SCAPER: variants seen among roughly 807,000 people sequenced by gnomAD.
SCAPER encodes the protein S phase cyclin A-associated protein in the endoplasmic reticulum.
In SCAPER, 98 loss-of-function variants were observed where a neutral mutation model predicts 182.2. That is an observed-to-expected ratio of 0.54 (90% CI 0.46 to 0.64). The LOEUF is 0.64. Among genes scored for constraint, SCAPER ranks in the 30% least tolerant of loss-of-function variants. The probability of loss-of-function intolerance (pLI) is 0.00; values close to 1 mark genes in which losing one functional copy is unlikely to be tolerated. For missense variants in SCAPER, 1,432 were observed against 1,690.0 expected (o/e 0.85, Z 2.68); for synonymous variants, 605 against 564.6 (o/e 1.07, Z -1.01).
intron 26 of SCAPER, 58 bp downstream of exon 26, chr15:76,434,020 T>C: frequency 7.1e-7 from 1 of 1,414,690 alleles, no homozygotes; most frequent in South Asian, 1.3e-5. Context: ...GAGATTTAAA[T>C]TATTTTAATA....
At chr15:76,425,819 T>C (rs1406070993) in intron 26 of SCAPER, among the ~76,000 whole-genome samples, 1 of 152,226 alleles carries the variant, frequency 6.6e-6, no homozygotes, top group Non-Finnish European at 1.5e-5. Context: ...TGTTTGTTAG[T>C]TTTCCTTCTA....
intron 24 of SCAPER, among the ~76,000 whole-genome samples, chr15:76,499,913 G>A (rs1428256653): frequency 6.6e-6 from 1 of 152,148 alleles, no homozygotes; most frequent in Non-Finnish European, 1.5e-5. Flanking sequence ...AAGTGACAAA[G>A]ACTTAGGGAT....
In SCAPER at chr15:76,765,646, G is replaced by A. The variant is rs764067633; in HGVS notation, c.1420-8C>T. ...CCCACTGCCCATGCTGGCCTAAAAT[G>A]TAATAAGGGAAGTTGAAAATCAAAT... On this transcript the variant is annotated splice_region_variant and splice_polypyrimidine_tract_variant and intron_variant, in intron 11 of 31. Coordinates refer to ENST00000563290, the MANE Select transcript of SCAPER (RefSeq NM_020843.4). 3.4e-5 allele frequency: 54 copies of A among 1,565,304 alleles called. No individual in the cohort carries two copies. The Admixed American group carries it at 7.6e-4, about 22-fold the overall frequency.
chr15:76,429,729 A>G (rs902411829), intron 26 of SCAPER, among the ~76,000 whole-genome samples: 2 of 152,188 alleles, frequency 1.3e-5, no homozygotes, highest in Non-Finnish European at 2.9e-5. Flanking sequence ...AAACAGCATA[A>G]AAGTTTGGAA....
chr15:76,657,273 C>A (rs571724629), intron 21 of SCAPER, among the ~76,000 whole-genome samples: 3 of 152,084 alleles, frequency 2.0e-5, no homozygotes, highest in Non-Finnish European at 4.4e-5. Flanking sequence ...ACAAACACCT[C>A]TATGCATACA....
chr15:76,792,385 T>G (rs1409955439), intron 8 of SCAPER, among the ~76,000 whole-genome samples: 1 of 152,104 alleles, frequency 6.6e-6, no homozygotes, highest in Non-Finnish European at 1.5e-5. Flanking sequence ...CAATCTAAAG[T>G]TAGATTGTGG....
chr15:76,639,954 G>C (rs981849794), intron 21 of SCAPER, among the ~76,000 whole-genome samples: 3 of 152,194 alleles, frequency 2.0e-5, no homozygotes, highest in African/African-American at 7.2e-5. Flanking sequence ...GTCAGAGCCA[G>C]AGAAGGTATT....
At chr15:76,893,658 CAT>C (rs1308306686) in intron 1 of SCAPER, among the ~76,000 whole-genome samples, 6 of 152,148 alleles carry the variant, frequency 3.9e-5, no homozygotes, top group Admixed American at 2.6e-4. Flanking sequence ...TAGGATAGAT[CAT>C]ATGTTAGGCC....
At chr15:76,644,752 AT>A (rs1392118200) in intron 21 of SCAPER, among the ~76,000 whole-genome samples, 1 of 152,084 alleles carries the variant, frequency 6.6e-6, no homozygotes, top group African/African-American at 2.4e-5. Context: ...GCTCTACTTT[AT>A]TTTTTTATAC....
intron 14 of SCAPER, among the ~76,000 whole-genome samples, chr15:76,763,921 T>C (rs1416606653): frequency 2.0e-5 from 3 of 152,216 alleles, no homozygotes; most frequent in African/African-American, 4.8e-5. Context: ...TCAACAGTTA[T>C]TTTGAATATT....
intron 29 of SCAPER, among the ~76,000 whole-genome samples, chr15:76,358,161 C>G (rs975939874): frequency 4.6e-5 from 7 of 152,212 alleles, no homozygotes; most frequent in Admixed American, 4.6e-4. Context: ...AAATTACATT[C>G]CTACATTTTG....
rs750442048 is a variant in SCAPER at position 76,516,184 on chromosome 15, CT to C, written c.2839-11211del. Among the ~76,000 whole-genome samples, 894 of 142,920 alleles carry C rather than the reference CT, an allele frequency of 6.3e-3. 8 individuals are homozygous for C. Among genetic ancestry groups the C allele is most frequent in the African/African-American group, 0.019 (744 of 39,182 alleles). 93.8% of individuals were successfully genotyped at this position (142,920 alleles called of 152,430 possible). A position where few individuals can be genotyped will look rare whatever the true frequency, so the allele number is the denominator to read the frequency against. On this transcript the variant is annotated intron_variant, in intron 23 of 31. Coordinates refer to ENST00000563290, the MANE Select transcript of SCAPER (RefSeq NM_020843.4). ...CCAGAACTCAGAACTTTCTTTCTTTCTTTTTTTTTTTATATATATTCTTTTA... is the reference window on the plus strand; with the variant it reads ...CCAGAACTCAGAACTTTCTTTCTTTCTTTTTTTTTTATATATATTCTTTTA...
chr15:76,754,235 T>G (rs951658071), intron 14 of SCAPER, among the ~76,000 whole-genome samples: 5 of 152,066 alleles, frequency 3.3e-5, no homozygotes, highest in Admixed American at 6.5e-5. Flanking sequence ...CAGGATTATT[T>G]GAAGGTTCAT....
chr15:76,588,628 T>C (rs1203991826), intron 22 of SCAPER, among the ~76,000 whole-genome samples: 1 of 152,180 alleles, frequency 6.6e-6, no homozygotes, highest in Non-Finnish European at 1.5e-5. Flanking sequence ...TACTATCCCA[T>C]TTGTTGTGCT....
intron 18 of SCAPER, among the ~76,000 whole-genome samples, chr15:76,705,033 A>G (rs1196551745): frequency 3.9e-5 from 6 of 152,298 alleles, no homozygotes; most frequent in East Asian, 1.9e-4. Context: ...TGACCCAGCC[A>G]TCCCATTACT....
At chr15:76,897,271 A>G (rs1206390071) in intron 1 of SCAPER, among the ~76,000 whole-genome samples, 2 of 152,190 alleles carry the variant, frequency 1.3e-5, no homozygotes, top group African/African-American at 4.8e-5. Flanking sequence ...CTGCAATTAC[A>G]ACTTCAAAAA....
At chr15:76,851,187 GT>G (rs1212425673) in intron 4 of SCAPER, among the ~76,000 whole-genome samples, 4 of 151,918 alleles carry the variant, frequency 2.6e-5, no homozygotes, top group African/African-American at 9.7e-5. Context: ...CTGTGGGATT[GT>G]GTAAAGAAGT....
At chr15:76,586,892 TGA>T (rs1344635290) in intron 22 of SCAPER, among the ~76,000 whole-genome samples, 1 of 152,142 alleles carries the variant, frequency 6.6e-6, no homozygotes, top group Admixed American at 6.5e-5. Flanking sequence ...AATTCTTCTT[TGA>T]ATGCCTGATA....
At chr15:76,744,531 A>G (rs1376301630) in intron 15 of SCAPER, among the ~76,000 whole-genome samples, 1 of 152,210 alleles carries the variant, frequency 6.6e-6, no homozygotes, top group Non-Finnish European at 1.5e-5. Context: ...ACATGAAAAA[A>G]TTCTTAGCAT....
Sources: allele counts gnomAD v4.1 joint callset (sites outside exome capture counted in the v4.1 genomes callset), GRCh38; gene constraint gnomAD v4.1.1; transcripts MANE v1.5; gene names NCBI Gene and HGNC (gene_info 2026-07-23, HGNC 2026-07-21).